TAFA2: variants seen among roughly 807,000 people sequenced by gnomAD.
TAFA2 encodes TAFA chemokine like family member 2, also known as chemokine-like protein TAFA-2.
TAFA2 carries 7 observed loss-of-function variants against 18.8 expected under a neutral mutation model. The ratio of observed to expected loss-of-function variants is 0.37; its 90% CI spans 0.21 to 0.70. The LOEUF (loss-of-function observed/expected upper bound fraction) is 0.70, where lower values mean the gene tolerates loss of function less well. TAFA2 is among the 30% of genes least tolerant of loss of function. The probability of loss-of-function intolerance (pLI) is 0.53; values close to 1 mark genes in which losing one functional copy is unlikely to be tolerated. For synonymous variants in TAFA2, 60 were observed against 54.2 expected, an observed-to-expected ratio of 1.11 and a Z score of -0.47; for missense variants, 122 against 158.1, an observed-to-expected ratio of 0.77 and a Z score of 1.23.
At chr12:61,838,064 G>A (rs117314955) in intron 2 of TAFA2, among the ~76,000 whole-genome samples, 2,750 of 152,042 alleles carry the variant, frequency 0.018, 29 homozygotes, top group Non-Finnish European at 0.028. Context: ...CATTTTAGGG[G>A]ACTAAATCTA....
At chr12:61,871,952 C>G (rs879642521) in intron 1 of TAFA2, among the ~76,000 whole-genome samples, 2 of 152,020 alleles carry the variant, frequency 1.3e-5, no homozygotes, top group African/African-American at 4.8e-5. Flanking sequence ...ATTAGCCAGG[C>G]GTGGTGGCGG....
At chr12:61,833,247 A>G (rs904263380) in intron 2 of TAFA2, among the ~76,000 whole-genome samples, 1 of 151,632 alleles carries the variant, frequency 6.6e-6, no homozygotes, top group African/African-American at 2.4e-5. Flanking sequence ...ACAAAGCATC[A>G]TTATTTTCCC....
intron 1 of TAFA2, among the ~76,000 whole-genome samples, chr12:62,018,986 C>A (rs1881029659): frequency 6.6e-6 from 1 of 152,042 alleles, no homozygotes; most frequent in African/African-American, 2.4e-5. Flanking sequence ...AAGAAAAAAA[C>A]AAACAACCCC....
intron 1 of TAFA2, among the ~76,000 whole-genome samples, chr12:62,021,369 G>A (rs189471647): frequency 3.3e-5 from 5 of 151,760 alleles, no homozygotes; most frequent in Non-Finnish European, 7.4e-5. Context: ...TGAGATTTTG[G>A]TGTACCCATC....
chr12:61,806,663 T>G (rs1871625789), intron 2 of TAFA2, among the ~76,000 whole-genome samples: 1 of 152,326 alleles, frequency 6.6e-6, no homozygotes, highest in South Asian at 2.1e-4. Context: ...ACTTGTTGAA[T>G]GGCTTTGTCC....
At chr12:61,984,474 G>C (rs948218926) in intron 1 of TAFA2, among the ~76,000 whole-genome samples, 2 of 152,150 alleles carry the variant, frequency 1.3e-5, no homozygotes, top group Non-Finnish European at 2.9e-5. Flanking sequence ...GTGAACAGAG[G>C]ACTGCAAAGG....
At chr12:61,712,813 T>A (rs1869474918) in intron 4 of TAFA2, among the ~76,000 whole-genome samples, 1 of 151,554 alleles carries the variant, frequency 6.6e-6, no homozygotes, top group African/African-American at 2.4e-5. Context: ...TACTTGATTT[T>A]TTTTTTTTGA....
At chr12:61,898,532 A>G (rs576541106) in intron 1 of TAFA2, among the ~76,000 whole-genome samples, 2 of 152,272 alleles carry the variant, frequency 1.3e-5, no homozygotes, top group Admixed American at 6.5e-5. Context: ...GACTAACATC[A>G]TGTGGAAGCC....
intron 2 of TAFA2, among the ~76,000 whole-genome samples, chr12:61,787,066 G>T (rs74893700): frequency 0.02 from 2,988 of 151,268 alleles, 97 homozygotes; most frequent in African/African-American, 0.069. Flanking sequence ...TAAAAGAGAT[G>T]AAAAGATTAG....
At chr12:61,869,068 T>C (rs554273346) in intron 1 of TAFA2, among the ~76,000 whole-genome samples, 2 of 152,268 alleles carry the variant, frequency 1.3e-5, no homozygotes, top group Non-Finnish European at 2.9e-5. Context: ...GTTTGATCCT[T>C]AAGTGTTTGG....
At chr12:61,724,815 G>T (rs931636151) in intron 4 of TAFA2, among the ~76,000 whole-genome samples, 32 of 132,986 alleles carry the variant, frequency 2.4e-4, no homozygotes, top group East Asian at 9.7e-4. Context: ...ACACCAGATG[G>T]GTGTATATGT....
intron 1 of TAFA2, among the ~76,000 whole-genome samples, chr12:61,958,829 A>G (rs1177460755): frequency 6.6e-6 from 1 of 152,006 alleles, no homozygotes; most frequent in Admixed American, 6.6e-5. Context: ...CTATATAGGT[A>G]ACGGACTATT....
At chr12:62,057,518 A>G (rs965417158) in intron 1 of TAFA2, among the ~76,000 whole-genome samples, 11 of 151,956 alleles carry the variant, frequency 7.2e-5, no homozygotes, top group Non-Finnish European at 1.6e-4. Context: ...CTCATTTTCT[A>G]TACTGTTGGT....
At chr12:61,947,785 A>G (rs1023765133) in intron 1 of TAFA2, among the ~76,000 whole-genome samples, 4 of 152,142 alleles carry the variant, frequency 2.6e-5, no homozygotes, top group Non-Finnish European at 5.9e-5. Context: ...TGTGTACCCT[A>G]AAAGACTTTC....
chr12:61,743,417 T>G (rs1056227060), intron 4 of TAFA2, among the ~76,000 whole-genome samples: 62 of 152,148 alleles, frequency 4.1e-4, no homozygotes, highest in African/African-American at 1.4e-3. Context: ...TACATTTTTT[T>G]CTTTCACATG....
At chr12:62,186,976 C>G (rs913374324) in intron 1 of TAFA2, among the ~76,000 whole-genome samples, 1 of 152,064 alleles carries the variant, frequency 6.6e-6, no homozygotes, top group South Asian at 2.1e-4. Context: ...ACATTAGAAA[C>G]AGGTGGATTT....
intron 1 of TAFA2, among the ~76,000 whole-genome samples, chr12:61,892,161 G>A (rs1875664657): frequency 6.6e-6 from 1 of 151,912 alleles, no homozygotes; most frequent in Admixed American, 6.6e-5. Flanking sequence ...CTTGGTCAGA[G>A]ATTTGATGAG....
intron 1 of TAFA2, among the ~76,000 whole-genome samples, chr12:61,873,302 T>TTTA (rs10669258): frequency 0.72 from 106,803 of 149,216 alleles, 38,460 homozygotes; most frequent in African/African-American, 0.79. Flanking sequence ...TTTATTAATT[T>TTTA]TTATTATTAT....
chr12:62,091,205 A>G (rs115656066), intron 1 of TAFA2, among the ~76,000 whole-genome samples: 2,559 of 152,024 alleles, frequency 0.017, 60 homozygotes, highest in African/African-American at 0.057. Flanking sequence ...TCCAGTCCAC[A>G]GTGAATTTTT....
Sources: gnomAD v4.1 joint callset for allele counts (sites outside exome capture counted in the v4.1 genomes callset) on GRCh38, gnomAD v4.1.1 for gene constraint, MANE v1.5 for transcripts, NCBI Gene and HGNC (gene_info 2026-07-23, HGNC 2026-07-21) for gene names.